PLEKHA5: variants seen among roughly 807,000 people sequenced by gnomAD.
PLEKHA5 encodes the protein pleckstrin homology domain containing A5, also known as pleckstrin homology domain-containing family A member 5.
PLEKHA5 carries 55 observed loss-of-function variants against 181.9 expected under a neutral mutation model. The observed-to-expected ratio is 0.30, with a 90% CI of 0.24 to 0.38. The LOEUF (loss-of-function observed/expected upper bound fraction) is 0.38. Ranked by LOEUF, PLEKHA5 falls within the 10% of genes least tolerant of loss-of-function variation. PLEKHA5 has a pLI of 1.00. For missense variants in PLEKHA5, 1,432 were observed against 1,549.5 expected (o/e 0.92, Z 1.27); for synonymous variants, 535 against 529.4 (o/e 1.01, Z -0.15).
chr12:19,272,448 A>G (rs1226540711), intron 10 of PLEKHA5, among the ~76,000 whole-genome samples: 2 of 152,210 alleles, frequency 1.3e-5, no homozygotes, highest in Non-Finnish European at 2.9e-5. Context: ...ATTTAAAATA[A>G]TAGCTTTAGG....
rs1286562625 is a variant in PLEKHA5 at position 19,291,650 on chromosome 12, A to T, written c.1990A>T (p.Ile664Phe). The T allele has an allele frequency of 6.6e-7, 1 of 1,512,416 alleles. No homozygotes were observed. Among genetic ancestry groups the T allele is most frequent in the East Asian group, 2.5e-5 (1 of 40,674 alleles). The allele number at this position is 1,512,416 out of a possible 1,614,324, so 93.7% of individuals were successfully genotyped here. Residue 664 changes from isoleucine (I) to phenylalanine (F), a missense_variant, in exon 15 of 32, where the codon ATT (isoleucine) becomes TTT (phenylalanine). Physicochemically the swap from Ile to Phe is conservative, Grantham distance 21. This residue lies in a region of PLEKHA5 where 1,143 missense variants were observed against 1,168.4 expected (regional missense o/e 0.98). Transcript: ENST00000429027. Reference protein sequence around the residue: ...KLEAHSPKNEILSHHLQRNTI... With the variant: ...KLEAHSPKNEFLSHHLQRNTI... Reference sequence around the variant, plus strand: ...CTTAATTGGTGCCTACTAGAATGAAATTCTTTCACATCATCTCCAAAGGAA... The same window carrying T: ...CTTAATTGGTGCCTACTAGAATGAATTTCTTTCACATCATCTCCAAAGGAA...
intron 3 of PLEKHA5, among the ~76,000 whole-genome samples, chr12:19,225,895 A>G (rs1260116116): frequency 2.0e-5 from 3 of 152,206 alleles, no homozygotes; most frequent in African/African-American, 7.2e-5. Context: ...AAATTGTAGA[A>G]AATTGTGCGA....
intron 10 of PLEKHA5, 151 bp from the exon 11 acceptor site, chr12:19,274,365 C>A (rs2073949693): frequency 1.6e-6 from 1 of 606,444 alleles, no homozygotes; most frequent in Non-Finnish European, 2.9e-6. Context: ...AATATCACAG[C>A]ATTGGGTATT....
chr12:19,223,101 C>G (rs2059220502), intron 3 of PLEKHA5, among the ~76,000 whole-genome samples: 1 of 149,466 alleles, frequency 6.7e-6, no homozygotes, highest in Admixed American at 6.7e-5. Context: ...ATCCCTGTAT[C>G]CAAAATGTTG....
chr12:19,251,980 G>T (rs977725723), intron 3 of PLEKHA5, among the ~76,000 whole-genome samples: 1 of 152,000 alleles, frequency 6.6e-6, no homozygotes, highest in Non-Finnish European at 1.5e-5. Flanking sequence ...GTCAAGTGCT[G>T]TATCTATTAA....
At chr12:19,232,435 T>A (rs186142462) in intron 3 of PLEKHA5, among the ~76,000 whole-genome samples, 4 of 152,214 alleles carry the variant, frequency 2.6e-5, no homozygotes, top group Admixed American at 2.6e-4. Flanking sequence ...GGAAAGAATT[T>A]AGAAAGGATT....
rs188422790 is a variant in PLEKHA5 at position 19,202,576 on chromosome 12, G to A, written c.228-51364G>A. ...ACAAATGGTTCTGCTATAACCCAAT[G>A]GTAAACAAAACAACAACAGATTGCA... On this transcript the variant is annotated intron_variant, in intron 3 of 31. Transcript: ENST00000429027. Among the ~76,000 whole-genome samples the A allele has an allele frequency of 6.7e-5, 9 of 135,090 alleles. No homozygotes were observed. The East Asian group carries it at 1.8e-3, about 28-fold the overall frequency. The allele number at this position is 135,090 out of a possible 152,430, so 88.6% of individuals were successfully genotyped here.
intron 3 of PLEKHA5, among the ~76,000 whole-genome samples, chr12:19,174,507 A>G (rs2046725389): frequency 6.6e-6 from 1 of 152,038 alleles, no homozygotes; most frequent in Non-Finnish European, 1.5e-5. Context: ...CAGTTATTTC[A>G]TTTTGTCCTA....
At chr12:19,251,762 A>C (rs1051747567) in intron 3 of PLEKHA5, among the ~76,000 whole-genome samples, 3 of 151,418 alleles carry the variant, frequency 2.0e-5, no homozygotes, top group Non-Finnish European at 4.4e-5. Context: ...AAAAAAAAAA[A>C]ACTTGTGAAA....
intron 15 of PLEKHA5, among the ~76,000 whole-genome samples, chr12:19,300,501 A>G (rs538763423): frequency 6.6e-6 from 1 of 152,350 alleles, no homozygotes; most frequent in African/African-American, 2.4e-5. Context: ...TTAATTTTAC[A>G]GTAGGTTTTG....
intron 29 of PLEKHA5, among the ~76,000 whole-genome samples, chr12:19,362,997 T>TG (rs1254723494): frequency 4.6e-5 from 7 of 151,768 alleles, no homozygotes; most frequent in Middle Eastern, 3.4e-3. Context: ...TTGCTATCTG[T>TG]GGGGGGGCCC....
intron 3 of PLEKHA5, among the ~76,000 whole-genome samples, chr12:19,182,753 A>G (rs2048901447): frequency 6.6e-6 from 1 of 152,206 alleles, no homozygotes; most frequent in African/African-American, 2.4e-5. Context: ...TAAGTACTGA[A>G]CCCAACAAGT....
intron 3 of PLEKHA5, among the ~76,000 whole-genome samples, chr12:19,171,444 T>G (rs935197513): frequency 2.6e-5 from 4 of 152,246 alleles, no homozygotes; most frequent in Admixed American, 6.5e-5. Flanking sequence ...ATTCTAAAAT[T>G]TATGTGGATT....
At chr12:19,243,687 A>G (rs536014834) in intron 3 of PLEKHA5, among the ~76,000 whole-genome samples, 7 of 152,314 alleles carry the variant, frequency 4.6e-5, no homozygotes, top group Admixed American at 3.3e-4. Context: ...GGATGTCTGG[A>G]AGCAGTTAGT....
At position 19,353,979 on chromosome 12, in the gene PLEKHA5, A is replaced by G. The variant is rs773739258; in HGVS notation, c.3115A>G (p.Lys1039Glu). Residue 1039 changes from lysine (K) to glutamate (E), a missense_variant, in exon 26 of 32, where the codon AAG (lysine) becomes GAG (glutamate). This residue lies in a region of PLEKHA5 where 1,143 missense variants were observed against 1,168.4 expected (regional missense o/e 0.98). Transcript: ENST00000429027. ...IASYVTLRKT[K>E]KMMDLRTERP... ...TTCCTATGTAACCTTGAGGAAAACT[A>G]AGAAGATGATGGATCTAAGAACGGT... The G allele has an allele frequency of 1.3e-6, 2 of 1,576,794 alleles. No individual in the cohort carries two copies. Among genetic ancestry groups the G allele is most frequent in the African/African-American group, 1.3e-5 (1 of 74,132 alleles).
rs2095701165 is a variant in PLEKHA5, at chr12:19,376,019, T to C, written c.*500T>C. ...ATTTTATATATATGTATTTAAAATGTGCCATTTTATTGCTAAGTGAAGTAT... is the reference window on the plus strand; with the variant it reads ...ATTTTATATATATGTATTTAAAATGCGCCATTTTATTGCTAAGTGAAGTAT... On this transcript the variant is annotated 3_prime_UTR_variant, in exon 32 of 32. Transcript: ENST00000429027. The C allele has an allele frequency of 6.6e-6, 1 of 152,526 alleles. No individual in the cohort carries two copies. The highest frequency in any genetic ancestry group is 2.4e-5 in the African/African-American group (1 of 41,428). The allele number at this position is 152,526 out of a possible 1,614,324, so 9.4% of individuals were successfully genotyped here. A position where few individuals can be genotyped will look rare whatever the true frequency, so the allele number is the denominator to read the frequency against.
At chr12:19,155,101 A>G (rs529525592) in intron 3 of PLEKHA5, among the ~76,000 whole-genome samples, 1 of 152,318 alleles carries the variant, frequency 6.6e-6, no homozygotes, top group African/African-American at 2.4e-5. Flanking sequence ...GCCACTCACA[A>G]GTTCCTTCAG....
chr12:19,292,114 G>A (rs1464354246), intron 15 of PLEKHA5, among the ~76,000 whole-genome samples: 4 of 152,162 alleles, frequency 2.6e-5, no homozygotes, highest in African/African-American at 9.6e-5. Context: ...GTTTAAAGGT[G>A]GGTGAAGTTG....
chr12:19,180,935 C>G (rs1313509039), intron 3 of PLEKHA5, among the ~76,000 whole-genome samples: 1 of 151,214 alleles, frequency 6.6e-6, no homozygotes, highest in Admixed American at 6.6e-5. Context: ...GGTGTGGAGC[C>G]TGGGGATCTG....
Sources: gnomAD v4.1 joint callset for allele counts (sites outside exome capture counted in the v4.1 genomes callset) on GRCh38, gnomAD v4.1.1 for gene constraint, gnomAD v4.1.1 regional missense constraint, MANE v1.5 for transcripts, NCBI Gene and HGNC (gene_info 2026-07-23, HGNC 2026-07-21) for gene names.